The following ZNF875 variants were observed in gnomAD, a reference collection of about 807,000 sequenced individuals.
ZNF875 encodes the protein HKR1, GLI-Kruppel zinc finger family member.
Under a neutral mutation model 11.2 loss-of-function variants are expected in ZNF875, and 14 were observed. That is an observed-to-expected ratio of 1.26 (90% CI 0.83 to 1.96). The LOEUF is 1.96. Ranked by LOEUF, ZNF875 falls within the 30% of genes most tolerant of loss-of-function variation. ZNF875 has a pLI of 0.00. For missense variants in ZNF875, 752 were observed against 760.4 expected, an observed-to-expected ratio of 0.99 and a Z score of 0.13; for synonymous variants, 301 against 281.1, an observed-to-expected ratio of 1.07 and a Z score of -0.71.
chr19:37,348,019 A>G lies in ZNF875; in HGVS notation c.256+147A>G. On this transcript the variant is annotated intron_variant, in intron 4 of 4. Transcript: ENST00000392153. ...CCTGACATGGTCTTCTTTCCGGAAC[A>G]TAATCTTCAGTTGAGGGAGGGACTT... 1.0e-5 allele frequency: 6 copies of G among 593,870 alleles called. No individual in the cohort carries two copies. In the South Asian group the frequency reaches 1.2e-4, roughly 12 times the overall value. 36.8% of individuals were successfully genotyped at this position (593,870 alleles called of 1,614,324 possible). A position where few individuals can be genotyped will look rare whatever the true frequency, so the allele number is the denominator to read the frequency against.
upstream of ZNF875, among the ~76,000 whole-genome samples, chr19:37,315,842 C>G (rs2030154659): frequency 6.6e-6 from 1 of 151,890 alleles, no homozygotes; most frequent in Admixed American, 6.6e-5. Context: ...TTAACTAGGG[C>G]CTAGGGTCTG....
At chr19:37,337,544 A>G (rs1355432970) in intron 2 of ZNF875, 1 of 152,204 alleles carries the variant, frequency 6.6e-6, no homozygotes, top group Admixed American at 6.5e-5. Context: ...TCCCAGGTTC[A>G]AACGATTCTC....
intron 4 of ZNF875, among the ~76,000 whole-genome samples, chr19:37,360,888 TCA>T (rs1389124183): frequency 6.6e-6 from 1 of 151,998 alleles, no homozygotes; most frequent in African/African-American, 2.4e-5. Context: ...TATTGTTTTC[TCA>T]GTTTCATTTT....
intron 4 of ZNF875, chr19:37,359,516 G>C: frequency 3.8e-6 from 1 of 261,494 alleles, no homozygotes; most frequent in Non-Finnish European, 7.8e-6. Flanking sequence ...CAATTCCCCT[G>C]CCTCAGCCTC....
At chr19:37,340,336 G>C (rs1191049420) in intron 2 of ZNF875, among the ~76,000 whole-genome samples, 1 of 152,118 alleles carries the variant, frequency 6.6e-6, no homozygotes, top group Non-Finnish European at 1.5e-5. Flanking sequence ...TGCAGATTTT[G>C]ATTACCGGGG....
In ZNF875 at chr19:37,347,227, C is replaced by A; in HGVS notation, c.71C>A (p.Thr24Asn). 1.2e-6 allele frequency: 2 copies of A among 1,614,088 alleles called. No individual in the cohort carries two copies. Among genetic ancestry groups the A allele is most frequent in the Non-Finnish European group, 1.7e-6 (2 of 1,179,986 alleles). The change falls in exon 3 of 5, where the codon ACC (threonine) becomes AAC (asparagine). Residue 24 changes from threonine to asparagine, a missense_variant. Thr to Asn is a moderately conservative substitution (Grantham distance 65). Coordinates refer to ENST00000392153, the MANE Select transcript of ZNF875 (RefSeq NM_001353803.2). ...VAFRDVAVYF[T>N]QEEWRLLSPA... The stretch of plus-strand genomic sequence containing the variant: ...TTCAGGGATGTGGCTGTGTACTTCA[C>A]CCAGGAGGAGTGGAGGTTGTTGAGC...
In ZNF875 at chr19:37,361,926, A is replaced by AAAAAAC. The variant is rs2039998797; in HGVS notation, c.257-178_257-177insCAAAAA. 8.2e-5 allele frequency: 14 copies of AAAAAAC among 170,872 alleles called. No individual in the cohort carries two copies. In the South Asian group the frequency reaches 1.6e-3, roughly 20 times the overall value. 10.6% of individuals were successfully genotyped at this position (170,872 alleles called of 1,614,324 possible). ...AAAGACTCCGTTTAAAAAAAAAAACAAAAAAACAAAAGAAAGTGTAATGCA... is the reference window on the plus strand; with the variant it reads ...AAAGACTCCGTTTAAAAAAAAAAACAAAAAACAAAAAACAAAAGAAAGTGTAATGCA... On this transcript the variant is annotated intron_variant, in intron 4 of 4. Transcript: ENST00000392153.
At chr19:37,350,371 G>A (rs149408653) in intron 4 of ZNF875, among the ~76,000 whole-genome samples, 2 of 151,938 alleles carry the variant, frequency 1.3e-5, no homozygotes, top group African/African-American at 2.4e-5. Context: ...GATTACAGGC[G>A]TGAGCCACTT....
At chr19:37,317,929 C>G (rs1341583541) in exon 1 of ZNF875, 3 of 154,622 alleles carry the variant, frequency 1.9e-5, no homozygotes, top group Non-Finnish European at 4.3e-5. Context: ...AGATGGCGTC[C>G]GAGTGCACAG....
chr19:37,363,672 A>G lies in ZNF875; in HGVS notation c.1820A>G (p.Gln607Arg), dbSNP rs140257135. ...CGGCAGTCACACCTCATTAGACACC[A>G]GAGGACACATTCAGGAGAGAAGCCT... Reference protein sequence around the residue: ...FSRQSHLIRHQRTHSGEKPYI... With the variant: ...FSRQSHLIRHRRTHSGEKPYI... The change falls in exon 5 of 5, where the codon CAG becomes CGG. Residue 607 changes from glutamine to arginine, a missense_variant. Gln to Arg is a conservative substitution (Grantham distance 43). Transcript: ENST00000392153. 2.4e-4 allele frequency: 388 copies of G among 1,613,478 alleles called. 1 individual carries two copies. The African/African-American group carries it at 3.1e-3, about 13-fold the overall frequency.
rs755715246 is a variant in ZNF875 at position 37,363,174 on chromosome 19, A to C, written c.1322A>C (p.Gln441Pro). ...TGGAAATCAAACCTCAAAACACACC[A>C]GAGGACACACTCAGGGGTTAAACCT... ...FSWKSNLKTH[Q>P]RTHSGVKPYV... Residue 441 changes from glutamine to proline, a missense_variant, in exon 5 of 5, where the codon CAG becomes CCG. Physicochemically the swap from Gln to Pro is moderately conservative, Grantham distance 76. Coordinates refer to ENST00000392153, the MANE Select transcript of ZNF875 (RefSeq NM_001353803.2). 2 of 1,614,054 alleles carry C rather than the reference A, an allele frequency of 1.2e-6. No individual in the cohort carries two copies. Among genetic ancestry groups the C allele is most frequent in the Non-Finnish European group, 1.7e-6 (2 of 1,179,974 alleles).
Position 37,362,830 on chromosome 19 carries a change from T to C in ZNF875, c.978T>C (p.Phe326=), listed in dbSNP as rs969900944. 1.3e-5 allele frequency: 21 copies of C among 1,613,054 alleles called. No homozygotes were observed. Among genetic ancestry groups the C allele is most frequent in the Non-Finnish European group, 1.6e-5 (19 of 1,179,762 alleles). Reference sequence around the variant, plus strand: ...GCTTTACTTGGAAGTCGAACCTCTTTACACATCAGCGGACACACTCAGGGC... The same window carrying C: ...GCTTTACTTGGAAGTCGAACCTCTTCACACATCAGCGGACACACTCAGGGC... ...GRGFTWKSNL[F]THQRTHSGLK... The change falls in exon 5 of 5, where the codon TTT becomes TTC. Residue 326 remains phenylalanine (F), a synonymous_variant. Transcript: ENST00000392153.
intron 4 of ZNF875, among the ~76,000 whole-genome samples, chr19:37,352,684 G>A (rs571589416): frequency 1.3e-5 from 2 of 151,992 alleles, no homozygotes; most frequent in African/African-American, 4.8e-5. Flanking sequence ...TCTTTATCCA[G>A]TTTGCCAATC....
chr19:37,316,686 G>A (rs2030216893), upstream of ZNF875, among the ~76,000 whole-genome samples: 2 of 135,024 alleles, frequency 1.5e-5, no homozygotes, highest in Non-Finnish European at 3.1e-5. Flanking sequence ...ATTTTAAGAC[G>A]GAGTCTCACT....
Position 37,347,259 on chromosome 19 carries a change from C to T in ZNF875, c.103C>T (p.Gln35Ter), listed in dbSNP as rs1164441257. 4.3e-6 allele frequency: 7 copies of T among 1,614,038 alleles called. No individual in the cohort carries two copies. Among genetic ancestry groups the T allele is most frequent in the African/African-American group, 4.0e-5 (3 of 74,932 alleles). ...QEEWRLLSPA[Q>*]RTLHREVMLE... ...GGAGTGGAGGTTGTTGAGCCCTGCT[C>T]AGAGGACCCTGCACAGGGAGGTGAT... The change falls in exon 3 of 5, where the codon CAG becomes TAG. Residue 35 changes from glutamine (Q) to a stop codon, truncating the protein, a stop_gained. Transcript: ENST00000392153. LOFTEE classifies it high-confidence loss of function.
At chr19:37,333,429 C>T (rs1438296558), upstream of ZNF875, among the ~76,000 whole-genome samples, 1 of 152,194 alleles carries the variant, frequency 6.6e-6, no homozygotes, top group African/African-American at 2.4e-5. Context: ...GGCTGATCCT[C>T]CTTCCTAAAC....
chr19:37,359,562 C>G (rs2039556567), intron 4 of ZNF875: 2 of 233,410 alleles, frequency 8.6e-6, no homozygotes, highest in Admixed American at 1.1e-4. Context: ...CACCACCACA[C>G]CTGGCTAATT....
At chr19:37,314,303 T>C (rs1194773356), upstream of ZNF875, among the ~76,000 whole-genome samples, 1 of 152,056 alleles carries the variant, frequency 6.6e-6, no homozygotes, top group Non-Finnish European at 1.5e-5. Flanking sequence ...TTTATAGATA[T>C]GTGGGTCTCA....
chr19:37,338,303 A>G (rs1266033961), intron 2 of ZNF875, among the ~76,000 whole-genome samples: 1 of 152,058 alleles, frequency 6.6e-6, no homozygotes, highest in Non-Finnish European at 1.5e-5. Context: ...TTATGTTTTT[A>G]GTAGAGATGG....
Sources: gnomAD v4.1 joint callset for allele counts (sites outside exome capture counted in the v4.1 genomes callset) on GRCh38, gnomAD v4.1.1 for gene constraint, MANE v1.5 for transcripts, NCBI Gene and HGNC (gene_info 2026-07-23, HGNC 2026-07-21) for gene names.